The following ADCYAP1R1 variants were observed in gnomAD, a reference collection of about 807,000 sequenced individuals.
ADCYAP1R1 encodes the protein ADCYAP receptor type I.
A neutral mutation model predicts 67.6 loss-of-function variants in ADCYAP1R1; 44 were observed. That is an observed-to-expected ratio of 0.65 (90% CI 0.51 to 0.84). The LOEUF (loss-of-function observed/expected upper bound fraction) is 0.84, where lower values mean the gene tolerates loss of function less well. Among genes scored for constraint, ADCYAP1R1 ranks in the 40% least tolerant of loss-of-function variants. The pLI is 0.00. For missense variants in ADCYAP1R1, 477 were observed against 587.9 expected (o/e 0.81, Z 1.95); for synonymous variants, 222 against 219.6 (o/e 1.01, Z -0.10).
Position 31,111,044 on chromosome 7 carries a change from CT to C in ADCYAP1R1, c.*4361del, listed in dbSNP as rs1796844325. The C allele has an allele frequency of 6.6e-6, 1 of 152,230 alleles. No individual in the cohort carries two copies. Among genetic ancestry groups the C allele is most frequent in the South Asian group, 2.1e-4 (1 of 4,832 alleles). 9.4% of individuals were successfully genotyped at this position (152,230 alleles called of 1,614,324 possible). ...GATGGACACAGAATTCTAGCTTTAC[CT>C]GCATCCGCTGATTCAGTTTTCTGTT... On this transcript the variant is annotated 3_prime_UTR_variant, in exon 16 of 16. Coordinates refer to ENST00000304166, the MANE Select transcript of ADCYAP1R1 (RefSeq NM_001118.5).
rs1463022365 is a variant in ADCYAP1R1, at chr7:31,086,352, C to T, written c.670-32C>T. The T allele has an allele frequency of 6.2e-7, 1 of 1,608,476 alleles. No individual in the cohort carries two copies. The highest frequency in any genetic ancestry group is 8.5e-7 in the Non-Finnish European group (1 of 1,177,958). Reference sequence around the variant, plus strand: ...CCCTTGCTCCTGTTCCTGTTGGGCTCACGCCCCTCACCCTGGCGCTTCTCC... The same window carrying T: ...CCCTTGCTCCTGTTCCTGTTGGGCTTACGCCCCTCACCCTGGCGCTTCTCC... On this transcript the variant is annotated intron_variant, in intron 9 of 15. Transcript: ENST00000304166. This position sits in a 1 kb window ranked among gnomAD's most constrained non-coding sequence, Gnocchi z 5.0.
chr7:31,098,374 A>C (rs1796292919), intron 13 of ADCYAP1R1, among the ~76,000 whole-genome samples: 3 of 152,240 alleles, frequency 2.0e-5, no homozygotes, highest in Admixed American at 2.0e-4. Context: ...GGAATCATGA[A>C]GAAACTTCTC....
intron 12 of ADCYAP1R1, among the ~76,000 whole-genome samples, chr7:31,088,217 C>CG (rs1362746010): frequency 6.6e-6 from 1 of 152,190 alleles, no homozygotes; most frequent in African/African-American, 2.4e-5. Context: ...CATTAATTGA[C>CG]AATTTGTTTT....
chr7:31,063,414 T>A (rs1481789081), intron 2 of ADCYAP1R1, 99 bp downstream of exon 2: 2 of 1,395,996 alleles, frequency 1.4e-6, no homozygotes, highest in Non-Finnish European at 2.0e-6. Context: ...CAGCTCTTCA[T>A]CTGGCTGGTA....
chr7:31,097,032 T>C (rs1304620047), intron 13 of ADCYAP1R1, among the ~76,000 whole-genome samples: 1 of 152,222 alleles, frequency 6.6e-6, no homozygotes, highest in Non-Finnish European at 1.5e-5. Context: ...TTGGCCCTCA[T>C]AGAAACTGTG....
intron 15 of ADCYAP1R1, among the ~76,000 whole-genome samples, 200 bp from the exon 16 acceptor site, chr7:31,106,296 G>T (rs946214259): frequency 2.6e-4 from 39 of 152,220 alleles, no homozygotes; most frequent in African/African-American, 9.2e-4. Flanking sequence ...GGCTGTTCCG[G>T]TCAGCTCCTC....
chr7:31,107,644 A>G lies in ADCYAP1R1; in HGVS notation c.*960A>G, dbSNP rs1796701786. Reference sequence around the variant, plus strand: ...TCCCCATTTCCCCTAAGTCAAAGCCATGACTAGGATGTACCAGCCACCTGC... The same window carrying G: ...TCCCCATTTCCCCTAAGTCAAAGCCGTGACTAGGATGTACCAGCCACCTGC... On this transcript the variant is annotated 3_prime_UTR_variant, in exon 16 of 16. Transcript: ENST00000304166. 6.6e-6 allele frequency: 1 copy of G among 151,984 alleles called. No homozygotes were observed. Among genetic ancestry groups the G allele is most frequent in the African/African-American group, 2.4e-5 (1 of 41,340 alleles). The allele number at this position is 151,984 out of a possible 1,614,324, so 9.4% of individuals were successfully genotyped here. A position where few individuals can be genotyped will look rare whatever the true frequency, so the allele number is the denominator to read the frequency against.
rs530751285 is a variant in ADCYAP1R1, at chr7:31,074,608, G to A, written c.158-3383G>A. Among the ~76,000 whole-genome samples the A allele has an allele frequency of 1.9e-4, 29 of 152,366 alleles. No individual in the cohort carries two copies. The South Asian group carries it at 6.0e-3, about 32-fold the overall frequency. ...AATGTTCTCCATTAAGGGAACATCT[G>A]TTGGCTGGGGCATGGGCCAGACGCA... On this transcript the variant is annotated intron_variant, in intron 3 of 15. Coordinates refer to ENST00000304166, the MANE Select transcript of ADCYAP1R1 (RefSeq NM_001118.5).
intron 3 of ADCYAP1R1, 112 bp from the exon 4 acceptor site, chr7:31,077,879 G>A (rs1795341003): frequency 3.2e-6 from 2 of 616,808 alleles, no homozygotes; most frequent in Admixed American, 3.2e-5. Context: ...GTTGCTGTGT[G>A]TGGTGTCTGT....
intron 5 of ADCYAP1R1, among the ~76,000 whole-genome samples, chr7:31,081,269 C>T (rs1331072911): frequency 6.6e-6 from 1 of 152,104 alleles, no homozygotes; most frequent in East Asian, 1.9e-4. Context: ...CTTCTGGATT[C>T]CCTTTGACGG....
Position 31,110,926 on chromosome 7 carries a change from T to C in ADCYAP1R1, c.*4242T>C, listed in dbSNP as rs1332456766. The C allele has an allele frequency of 2.0e-5, 3 of 152,246 alleles. No individual in the cohort carries two copies. The highest frequency in any genetic ancestry group is 4.4e-5 in the Non-Finnish European group (3 of 68,034). 9.4% of individuals were successfully genotyped at this position (152,246 alleles called of 1,614,324 possible). A position where few individuals can be genotyped will look rare whatever the true frequency, so the allele number is the denominator to read the frequency against. The stretch of plus-strand genomic sequence containing the variant: ...AAGACTGCTGGAAGGGACTCCTTGC[T>C]GTTTATCTACTGCTTTGAGCCCTCC... On this transcript the variant is annotated 3_prime_UTR_variant, in exon 16 of 16. Transcript: ENST00000304166.
intron 13 of ADCYAP1R1, chr7:31,100,041 C>T: frequency 1.5e-6 from 2 of 1,332,574 alleles, no homozygotes; most frequent in Non-Finnish European, 2.1e-6. Context: ...TCCATACCCT[C>T]CTCTTTTCTG....
chr7:31,090,514 C>T lies in ADCYAP1R1; in HGVS notation c.955-2130C>T, dbSNP rs188404696. Among the ~76,000 whole-genome samples the T allele has an allele frequency of 3.2e-4, 49 of 152,272 alleles. No individual in the cohort carries two copies. In the East Asian group the frequency reaches 9.3e-3, roughly 29 times the overall value. On this transcript the variant is annotated intron_variant, in intron 12 of 15. Transcript: ENST00000304166. ...AAGTTATGGGTACAATTGATCCCGT[C>T]ACCCAGGTAGTGAGCATATTACCCA...
intron 1 of ADCYAP1R1, among the ~76,000 whole-genome samples, chr7:31,060,703 A>T (rs534270270): frequency 1.1e-4 from 17 of 151,406 alleles, no homozygotes; most frequent in Admixed American, 2.0e-4. Flanking sequence ...TGTGTGTGTG[A>T]GAGAGAGAGA....
chr7:31,077,828 G>A (rs1795336812), intron 3 of ADCYAP1R1, among the ~76,000 whole-genome samples, 163 bp from the exon 4 acceptor site: 1 of 141,914 alleles, frequency 7.0e-6, no homozygotes, highest in Admixed American at 6.8e-5. Flanking sequence ...TGTGATGTGT[G>A]TTTGTTGGTG....
chr7:31,095,864 C>T (rs900976827), intron 13 of ADCYAP1R1: 14 of 636,248 alleles, frequency 2.2e-5, no homozygotes, highest in African/African-American at 9.1e-5. Flanking sequence ...TGCGGGGGGA[C>T]GGTGGCACTG....
Sources: gnomAD v4.1 joint callset for allele counts (sites outside exome capture counted in the v4.1 genomes callset) on GRCh38, gnomAD v4.1.1 for gene constraint, Gnocchi (gnomAD v3.1) non-coding constraint, MANE v1.5 for transcripts, NCBI Gene and HGNC (gene_info 2026-07-23, HGNC 2026-07-21) for gene names.